TMEM117: variants seen among roughly 807,000 people sequenced by gnomAD.
TMEM117 encodes the protein transmembrane protein 117.
A neutral mutation model predicts 52.4 loss-of-function variants in TMEM117; 27 were observed. The observed-to-expected ratio is 0.51, with a 90% confidence interval of 0.38 to 0.71. The LOEUF is 0.71. Among genes scored for constraint, TMEM117 ranks in the 30% least tolerant of loss-of-function variants. TMEM117 has a pLI of 0.00. For synonymous variants in TMEM117, 215 were observed against 206.3 expected (o/e 1.04, Z -0.36); for missense variants, 556 against 630.5 (o/e 0.88, Z 1.26).
At chr12:43,929,705 T>C (rs1484400024) in intron 2 of TMEM117, among the ~76,000 whole-genome samples, 1 of 152,196 alleles carries the variant, frequency 6.6e-6, no homozygotes, top group African/African-American at 2.4e-5. Context: ...TTATTTGCAT[T>C]TTCTAGAAAT....
intron 3 of TMEM117, among the ~76,000 whole-genome samples, chr12:44,128,934 A>G (rs1389660333): frequency 6.6e-6 from 1 of 152,126 alleles, no homozygotes; most frequent in African/African-American, 2.4e-5. Context: ...TCAACTTTAA[A>G]CTTGATGCTT....
intron 3 of TMEM117, among the ~76,000 whole-genome samples, chr12:44,128,665 G>T (rs1948366351): frequency 6.6e-6 from 1 of 152,106 alleles, no homozygotes; most frequent in South Asian, 2.1e-4. Context: ...TGCTTGAAGA[G>T]AAATTCCCAG....
At chr12:44,187,273 T>A (rs1046343613) in intron 4 of TMEM117, among the ~76,000 whole-genome samples, 3 of 152,178 alleles carry the variant, frequency 2.0e-5, no homozygotes, top group Admixed American at 6.6e-5. Context: ...TGATCTTTAA[T>A]ATTTTCATCT....
intron 6 of TMEM117, among the ~76,000 whole-genome samples, chr12:44,313,308 G>A (rs1342275277): frequency 2.6e-5 from 4 of 152,144 alleles, no homozygotes; most frequent in Admixed American, 1.3e-4. Context: ...TAGGGGGACA[G>A]TTTCATTCTT....
chr12:44,203,948 C>G (rs1949530838), intron 4 of TMEM117, among the ~76,000 whole-genome samples: 1 of 152,068 alleles, frequency 6.6e-6, no homozygotes. Flanking sequence ...CTATGGCAAA[C>G]CCACAGCTAA....
intron 4 of TMEM117, among the ~76,000 whole-genome samples, chr12:44,193,491 T>G (rs1949381371): frequency 6.6e-6 from 1 of 152,174 alleles, no homozygotes; most frequent in Non-Finnish European, 1.5e-5. Context: ...GAGCACTTGT[T>G]TTTTCACTCA....
intron 2 of TMEM117, among the ~76,000 whole-genome samples, chr12:43,921,061 G>A (rs921540517): frequency 5.3e-5 from 8 of 151,964 alleles, no homozygotes; most frequent in African/African-American, 1.9e-4. Context: ...GTTTCCTAAT[G>A]TGGCCCTATT....
intron 3 of TMEM117, among the ~76,000 whole-genome samples, chr12:44,004,342 C>T (rs1210456008): frequency 6.6e-6 from 1 of 152,178 alleles, no homozygotes; most frequent in African/African-American, 2.4e-5. Flanking sequence ...TGATCTAGTA[C>T]ATCCTTGAAT....
the TMEM117 span, among the ~76,000 whole-genome samples, chr12:43,813,270 G>A: frequency 8.9e-5 from 9 of 101,546 alleles, 1 homozygote; most frequent in African/African-American, 3.2e-4. Flanking sequence ...CTGAGACAGC[G>A]TCTTGCTCTG....
intron 3 of TMEM117, among the ~76,000 whole-genome samples, chr12:43,955,334 G>C (rs1945289982): frequency 6.6e-6 from 1 of 152,188 alleles, no homozygotes; most frequent in Admixed American, 6.5e-5. Context: ...ATTCAGGTAA[G>C]AAGAGCGGAA....
At chr12:44,064,426 A>G (rs1262046169) in intron 3 of TMEM117, among the ~76,000 whole-genome samples, 1 of 152,206 alleles carries the variant, frequency 6.6e-6, no homozygotes, top group Non-Finnish European at 1.5e-5. Flanking sequence ...ATTTAGACCA[A>G]AATCGAATCT....
At chr12:43,939,921 AAG>A (rs1388495761) in intron 2 of TMEM117, among the ~76,000 whole-genome samples, 1 of 152,236 alleles carries the variant, frequency 6.6e-6, no homozygotes, top group Non-Finnish European at 1.5e-5. Context: ...GGCAGCAGGC[AAG>A]AGAGAGCTTG....
chr12:44,250,256 A>C (rs113197483), intron 5 of TMEM117, among the ~76,000 whole-genome samples: 4,656 of 152,330 alleles, frequency 0.031, 109 homozygotes, highest in Admixed American at 0.044. Flanking sequence ...ATCACTAATC[A>C]TTAGAGAAAT....
chr12:44,228,814 G>A (rs752000794), intron 5 of TMEM117, among the ~76,000 whole-genome samples: 61 of 152,106 alleles, frequency 4.0e-4, no homozygotes, highest in Non-Finnish European at 7.5e-4. Context: ...TTGAGATATG[G>A]TCAGTCCAAG....
At chr12:43,837,678 G>C (rs1943055357) in intron 1 of TMEM117, among the ~76,000 whole-genome samples, 1 of 152,188 alleles carries the variant, frequency 6.6e-6, no homozygotes, top group Non-Finnish European at 1.5e-5. Flanking sequence ...TCACTGAAAA[G>C]GAGGTCTAAA....
At chr12:43,825,211 T>G in the TMEM117 span, among the ~76,000 whole-genome samples, 1 of 152,150 alleles carries the variant, frequency 6.6e-6, no homozygotes, top group Non-Finnish European at 1.5e-5. Context: ...TCAAAGAAAA[T>G]AATCCACAGG....
At position 44,354,319 on chromosome 12, in the gene TMEM117, C is replaced by A. The variant is rs146710815; in HGVS notation, c.769-22276C>A. The stretch of plus-strand genomic sequence containing the variant: ...TGCCTGATTGCCCTGGCCAGAACTT[C>A]CGGCCAGCATCATCCTGATACCAAA... On this transcript the variant is annotated intron_variant, in intron 6 of 7. Transcript: ENST00000266534. 6.6e-3 allele frequency among the ~76,000 whole-genome samples: 1,009 copies of A among 152,016 alleles called. 11 individuals carry two copies. The highest frequency in any genetic ancestry group is 0.025 in the Admixed American group (385 of 15,226).
At chr12:44,381,615 G>A (rs1952021620) in intron 7 of TMEM117, among the ~76,000 whole-genome samples, 4 of 152,174 alleles carry the variant, frequency 2.6e-5, no homozygotes, top group African/African-American at 9.7e-5. Context: ...GCACGATGAT[G>A]CCCACGGGAA....
chr12:44,159,924 G>A (rs1948876090), intron 4 of TMEM117, among the ~76,000 whole-genome samples: 1 of 152,112 alleles, frequency 6.6e-6, no homozygotes, highest in African/African-American at 2.4e-5. Context: ...GAAGGCACAG[G>A]AACAAATGTA....
Sources: allele counts gnomAD v4.1 joint callset (sites outside exome capture counted in the v4.1 genomes callset), GRCh38; gene constraint gnomAD v4.1.1; transcripts MANE v1.5; gene names NCBI Gene and HGNC (gene_info 2026-07-23, HGNC 2026-07-21).